The following RNF157 variants were observed in gnomAD, a reference collection of about 807,000 sequenced individuals.
RNF157 encodes ring finger protein 157.
RNF157 carries 55 observed loss-of-function variants against 88.3 expected under a neutral mutation model. That is an observed-to-expected ratio of 0.62 (90% CI 0.50 to 0.78). The LOEUF (loss-of-function observed/expected upper bound fraction) is 0.78. Ranked by LOEUF, RNF157 falls within the 30% of genes least tolerant of loss-of-function variation. RNF157 has a pLI of 0.00. For synonymous variants in RNF157, 334 were observed against 341.2 expected (o/e 0.98, Z 0.23); for missense variants, 788 against 860.8 (o/e 0.92, Z 1.06).
At chr17:76,213,196 C>T (rs1381860071) in intron 1 of RNF157, among the ~76,000 whole-genome samples, 1 of 152,178 alleles carries the variant, frequency 6.6e-6, no homozygotes, top group African/African-American at 2.4e-5. Flanking sequence ...CTACAGGTAT[C>T]GGCATATACA....
intron 1 of RNF157, among the ~76,000 whole-genome samples, chr17:76,221,415 T>A (rs1029846956): frequency 6.6e-6 from 1 of 151,996 alleles, no homozygotes; most frequent in Non-Finnish European, 1.5e-5. Context: ...AGAACATGAT[T>A]AATGAGAGTT....
chr17:76,162,527 A>T (rs745453541), intron 9 of RNF157, 25 bp downstream of exon 9: 1 of 1,578,510 alleles, frequency 6.3e-7, no homozygotes, highest in East Asian at 2.2e-5. Context: ...GAAAGAGTAC[A>T]TTCAGAATTT....
At chr17:76,175,637 G>T in intron 2 of RNF157, 1 of 352,522 alleles carries the variant, frequency 2.8e-6, no homozygotes, top group Non-Finnish European at 4.0e-6. Flanking sequence ...ACAAACGCTA[G>T]TCTATTCTAA....
At chr17:76,204,782 C>CTTTCTTT (rs772628792) in intron 2 of RNF157, among the ~76,000 whole-genome samples, 1 of 139,754 alleles carries the variant, frequency 7.2e-6, no homozygotes, top group African/African-American at 2.7e-5. Flanking sequence ...TTCTTTCTTT[C>CTTTCTTT]TTTTTTTTTT....
At chr17:76,218,933 CA>C (rs2069935791) in intron 1 of RNF157, among the ~76,000 whole-genome samples, 1 of 149,302 alleles carries the variant, frequency 6.7e-6, no homozygotes, top group Non-Finnish European at 1.5e-5. Context: ...GACTCCATCT[CA>C]AAAAAATAAA....
intron 13 of RNF157, 51 bp downstream of exon 13, chr17:76,158,342 G>A (rs778699082): frequency 8.1e-7 from 1 of 1,235,906 alleles, no homozygotes; most frequent in Admixed American, 1.7e-5. Flanking sequence ...GCAGGTAGGA[G>A]GGAAGTCCCT....
At chr17:76,169,579 G>GT (rs558817508) in intron 3 of RNF157, among the ~76,000 whole-genome samples, 3,516 of 133,452 alleles carry the variant, frequency 0.026, 151 homozygotes, top group African/African-American at 0.086. Context: ...GCCTAGTTAG[G>GT]TTTTTTTTTT....
rs192992963 is a variant in RNF157 at position 76,173,089 on chromosome 17, A to G, written c.296+613T>C. The stretch of plus-strand genomic sequence containing the variant: ...ATCACGAGGTCAGGAGATCGAGACC[A>G]TCCTGGCTAACATGGTGAAACCCCG... On this transcript the variant is annotated intron_variant, in intron 3 of 18. Transcript: ENST00000269391. Among the ~76,000 whole-genome samples the G allele has an allele frequency of 2.4e-4, 37 of 152,250 alleles. 1 individual carries two copies. The highest frequency in any genetic ancestry group is 8.4e-4 in the African/African-American group (35 of 41,554).
chr17:76,224,719 T>A lies in RNF157; in HGVS notation c.89-12237A>T, dbSNP rs539188017. Reference sequence around the variant, plus strand: ...AACACTACTGATAGCTGATAAGCTTTAAAAAAAAAAAAGAAAGAAACTGCA... The same window carrying A: ...AACACTACTGATAGCTGATAAGCTTAAAAAAAAAAAAAGAAAGAAACTGCA... On this transcript the variant is annotated intron_variant, in intron 1 of 18. Coordinates refer to ENST00000269391, the MANE Select transcript of RNF157 (RefSeq NM_052916.3). Among the ~76,000 whole-genome samples, 318 of 146,974 alleles carry A rather than the reference T, an allele frequency of 2.2e-3. 2 individuals carry two copies. The highest frequency in any genetic ancestry group is 1.0e-2 in the South Asian group (47 of 4,710).
At chr17:76,159,307 G>T (rs756047532) in intron 12 of RNF157, 28 bp downstream of exon 12, 1 of 1,569,490 alleles carries the variant, frequency 6.4e-7, no homozygotes, top group Admixed American at 1.7e-5. Flanking sequence ...GATTCCGGGG[G>T]CAACAGTGTG....
At chr17:76,214,601 A>T (rs2069857516) in intron 1 of RNF157, among the ~76,000 whole-genome samples, 1 of 152,168 alleles carries the variant, frequency 6.6e-6, no homozygotes, top group Admixed American at 6.5e-5. Context: ...TATGGTGTAA[A>T]ATAAGGGGAC....
At chr17:76,224,934 G>A (rs1488195964) in intron 1 of RNF157, among the ~76,000 whole-genome samples, 1 of 152,128 alleles carries the variant, frequency 6.6e-6, no homozygotes, top group Non-Finnish European at 1.5e-5. Flanking sequence ...CACTTTGGGA[G>A]GCCAAGGTGG....
At position 76,219,595 on chromosome 17, in the gene RNF157, A is replaced by C. The variant is rs956669787; in HGVS notation, c.89-7113T>G. On this transcript the variant is annotated intron_variant, in intron 1 of 18. Coordinates refer to ENST00000269391, the MANE Select transcript of RNF157 (RefSeq NM_052916.3). Reference sequence around the variant, plus strand: ...TCTTTGAATACGCATTGCTTTATGTATCTACCACTGGAACCATGTAAACAT... The same window carrying C: ...TCTTTGAATACGCATTGCTTTATGTCTCTACCACTGGAACCATGTAAACAT... Among the ~76,000 whole-genome samples, 3 of 152,182 alleles carry C rather than the reference A, an allele frequency of 2.0e-5. No homozygotes were observed. The East Asian group carries it at 5.8e-4, about 29-fold the overall frequency.
chr17:76,204,495 G>A (rs1009339773), intron 2 of RNF157, among the ~76,000 whole-genome samples: 23 of 152,166 alleles, frequency 1.5e-4, no homozygotes, highest in Admixed American at 1.3e-4. Flanking sequence ...TGCATTCCTA[G>A]TTCCCAGCAC....
chr17:76,168,206 G>C (rs903392431), intron 3 of RNF157, among the ~76,000 whole-genome samples: 8 of 151,988 alleles, frequency 5.3e-5, no homozygotes, highest in Non-Finnish European at 7.4e-5. Flanking sequence ...TGATTTTTCA[G>C]TTTCAGGCGC....
chr17:76,240,122 C>T lies in RNF157; in HGVS notation c.88+31G>A, dbSNP rs1019198383. The T allele has an allele frequency of 7.9e-7, 1 of 1,266,038 alleles. No individual in the cohort carries two copies. The allele number at this position is 1,266,038 out of a possible 1,614,324, so 78.4% of individuals were successfully genotyped here. A position where few individuals can be genotyped will look rare whatever the true frequency, so the allele number is the denominator to read the frequency against. On this transcript the variant is annotated intron_variant, in intron 1 of 18. Transcript: ENST00000269391. This position sits in a 1 kb window ranked among gnomAD's most constrained non-coding sequence, Gnocchi z 4.4. ...GACCCCTGCCCCTGCCCCTCTCCCT[C>T]CTCGCGGCTGCGGCGCCCGCCCGCC...
rs369397286 is a variant in RNF157, at chr17:76,148,046, G to C, written c.1922-2693C>G. The stretch of plus-strand genomic sequence containing the variant: ...GTCTTTGTAGAGTTGCTCTCCAGGG[G>C]AAGGAGAAACTTAGTTTGAAATTTT... On this transcript the variant is annotated intron_variant, in intron 18 of 18. Transcript: ENST00000269391. 9.1e-4 allele frequency among the ~76,000 whole-genome samples: 139 copies of C among 152,232 alleles called. 2 individuals carry two copies. Among genetic ancestry groups the C allele is most frequent in the Middle Eastern group, 3.4e-3 (1 of 294 alleles).
At chr17:76,225,701 C>G (rs908995217) in intron 1 of RNF157, 35 of 1,369,442 alleles carry the variant, frequency 2.6e-5, no homozygotes, top group Middle Eastern at 3.8e-4. Flanking sequence ...CACACAGCTA[C>G]AGCAGACACT....
chr17:76,202,010 A>G (rs1158599806), intron 2 of RNF157, among the ~76,000 whole-genome samples: 1 of 152,106 alleles, frequency 6.6e-6, no homozygotes, highest in African/African-American at 2.4e-5. Context: ...AATTTAATCA[A>G]TATTTCCAGG....
Sources: gnomAD v4.1 joint callset for allele counts (sites outside exome capture counted in the v4.1 genomes callset) on GRCh38, gnomAD v4.1.1 for gene constraint, Gnocchi (gnomAD v3.1) non-coding constraint, MANE v1.5 for transcripts, NCBI Gene and HGNC (gene_info 2026-07-23, HGNC 2026-07-21) for gene names.